Variants in CELF2 observed in about 807,000 individuals in gnomAD.
The protein encoded by CELF2 is CUG triplet repeat RNA-binding protein 2.
A neutral mutation model predicts 62.6 loss-of-function variants in CELF2; 8 were observed. That is an observed-to-expected ratio of 0.13 (90% CI 0.07 to 0.23). The LOEUF is 0.23. Ranked by LOEUF, CELF2 falls within the 10% of genes least tolerant of loss-of-function variation. The probability of loss-of-function intolerance (pLI) is 1.00; values close to 1 mark genes in which losing one functional copy is unlikely to be tolerated. For missense variants in CELF2, 333 were observed against 671.0 expected, an observed-to-expected ratio of 0.50 and a Z score of 5.56; for synonymous variants, 258 against 250.0, an observed-to-expected ratio of 1.03 and a Z score of -0.30.
At chr10:10,672,297 A>ATTTGG in the CELF2 span, among the ~76,000 whole-genome samples, 1 of 152,194 alleles carries the variant, frequency 6.6e-6, no homozygotes. Context: ...CATTTGTGTC[A>ATTTGG]CACTCAAAAA....
Position 11,332,169 on chromosome 10 carries a change from G to A in CELF2, c.*3116G>A, listed in dbSNP as rs1203905312. On this transcript the variant is annotated 3_prime_UTR_variant, in exon 13 of 13. Transcript: ENST00000633077. Reference sequence around the variant, plus strand: ...GGATAAACCCTGAGGGAAAACGGAGGTAGATTCAGCACCTAACAATCCTGT... The same window carrying A: ...GGATAAACCCTGAGGGAAAACGGAGATAGATTCAGCACCTAACAATCCTGT... 6.7e-6 allele frequency: 1 copy of A among 149,736 alleles called. No homozygotes were observed. The highest frequency in any genetic ancestry group is 1.5e-5 in the Non-Finnish European group (1 of 68,018). The allele number at this position is 149,736 out of a possible 1,614,324, so 9.3% of individuals were successfully genotyped here. A position where few individuals can be genotyped will look rare whatever the true frequency, so the allele number is the denominator to read the frequency against.
intron 8 of CELF2, among the ~76,000 whole-genome samples, chr10:11,276,547 A>G (rs2086192983): frequency 1.3e-5 from 2 of 152,240 alleles, no homozygotes; most frequent in African/African-American, 4.8e-5. Context: ...GTGTTTTAAA[A>G]GAGAAAACCT....
chr10:10,524,241 T>C, the CELF2 span, among the ~76,000 whole-genome samples: 1 of 152,120 alleles, frequency 6.6e-6, no homozygotes, highest in Non-Finnish European at 1.5e-5. Flanking sequence ...AGAGACATTT[T>C]CTCTTGAAGT....
At chr10:11,102,416 A>C (rs1280340980) in intron 1 of CELF2, among the ~76,000 whole-genome samples, 2 of 152,270 alleles carry the variant, frequency 1.3e-5, no homozygotes, top group Non-Finnish European at 2.9e-5. Context: ...CTATATAAAC[A>C]GTTTCTGCTA....
intron 1 of CELF2, among the ~76,000 whole-genome samples, chr10:11,154,736 A>G (rs558834355): frequency 3.9e-4 from 60 of 152,346 alleles, no homozygotes; most frequent in African/African-American, 1.4e-3. Flanking sequence ...ATCTGTTGTG[A>G]TGCGCTGAAG....
At chr10:10,866,241 GT>G (rs1189710984) in intron 1 of CELF2, among the ~76,000 whole-genome samples, 1 of 152,098 alleles carries the variant, frequency 6.6e-6, no homozygotes, top group Non-Finnish European at 1.5e-5. Context: ...ACTTCAGCTT[GT>G]TTTGTTGCCT....
the CELF2 span, among the ~76,000 whole-genome samples, chr10:10,589,447 C>G: frequency 1.3e-5 from 2 of 152,200 alleles, no homozygotes; most frequent in South Asian, 4.1e-4. Context: ...GCTAGTTTTT[C>G]AGGTTAACTT....
intron 1 of CELF2, among the ~76,000 whole-genome samples, chr10:11,007,908 T>C (rs953072828): frequency 1.3e-5 from 2 of 152,086 alleles, no homozygotes; most frequent in African/African-American, 4.8e-5. Context: ...AATTCCTGGG[T>C]AGTCACAGTT....
intron 1 of CELF2, among the ~76,000 whole-genome samples, chr10:11,083,316 G>T (rs1282435528): frequency 1.3e-5 from 2 of 152,180 alleles, no homozygotes; most frequent in Admixed American, 1.3e-4. Flanking sequence ...AAACAAATGT[G>T]TATTTCAGCT....
chr10:10,862,980 A>G (rs1450750250), intron 1 of CELF2, among the ~76,000 whole-genome samples: 1 of 152,236 alleles, frequency 6.6e-6, no homozygotes, highest in Non-Finnish European at 1.5e-5. Flanking sequence ...CTGCAGAGCC[A>G]GAGGGTGGGA....
At chr10:11,169,489 C>T (rs141773778) in intron 2 of CELF2, among the ~76,000 whole-genome samples, 10 of 152,176 alleles carry the variant, frequency 6.6e-5, no homozygotes, top group East Asian at 3.9e-4. Context: ...CATGCAGGTG[C>T]GGAAGTGCAG....
At chr10:11,171,262 C>T (rs2068773159) in intron 2 of CELF2, 1 of 152,158 alleles carries the variant, frequency 6.6e-6, no homozygotes. Context: ...GAGTTATTAC[C>T]TTAAGTTTCA....
At chr10:11,092,829 C>A (rs550218051) in intron 1 of CELF2, among the ~76,000 whole-genome samples, 2 of 152,134 alleles carry the variant, frequency 1.3e-5, no homozygotes, top group South Asian at 4.1e-4. Flanking sequence ...TGGCCTGAAC[C>A]CCATCAGCAT....
the CELF2 span, among the ~76,000 whole-genome samples, chr10:10,762,797 G>A: frequency 2.6e-5 from 4 of 152,152 alleles, no homozygotes; most frequent in African/African-American, 4.8e-5. Flanking sequence ...ATCCCCGCAC[G>A]TTGAGAGGCC....
At chr10:11,203,905 G>C (rs565215557) in intron 2 of CELF2, among the ~76,000 whole-genome samples, 33 of 152,154 alleles carry the variant, frequency 2.2e-4, no homozygotes, top group Admixed American at 2.0e-3. Flanking sequence ...AACAGATTGC[G>C]GTGTTGTGTC....
chr10:10,867,588 C>G (rs2060469247), intron 1 of CELF2, among the ~76,000 whole-genome samples: 1 of 152,154 alleles, frequency 6.6e-6, no homozygotes, highest in Non-Finnish European at 1.5e-5. Flanking sequence ...TATTATCAAG[C>G]CTCTCCCAGC....
the CELF2 span, among the ~76,000 whole-genome samples, chr10:10,515,261 CAGA>C: frequency 6.6e-6 from 1 of 152,128 alleles, no homozygotes; most frequent in Non-Finnish European, 1.5e-5. Context: ...GTAATGAAGC[CAGA>C]AGACACTAGC....
At chr10:11,239,068 G>C (rs1050282784) in intron 3 of CELF2, among the ~76,000 whole-genome samples, 4 of 152,160 alleles carry the variant, frequency 2.6e-5, no homozygotes, top group African/African-American at 9.7e-5. Flanking sequence ...GTGGAATGCT[G>C]TCTGACAGCC....
intron 1 of CELF2, among the ~76,000 whole-genome samples, chr10:10,897,838 A>G (rs989635636): frequency 6.6e-6 from 1 of 152,238 alleles, no homozygotes; most frequent in African/African-American, 2.4e-5. Context: ...TTCTACAGGC[A>G]GAAAACAGGC....
Sources: allele counts gnomAD v4.1 joint callset (sites outside exome capture counted in the v4.1 genomes callset), GRCh38; gene constraint gnomAD v4.1.1; transcripts MANE v1.5; gene names NCBI Gene and HGNC (gene_info 2026-07-23, HGNC 2026-07-21).